Variants in STK4 observed in about 807,000 individuals in gnomAD.
STK4 encodes the protein serine/threonine-protein kinase 4.
In STK4, 30 loss-of-function variants were observed where a neutral mutation model predicts 64.9. That is an observed-to-expected ratio of 0.46 (90% CI 0.35 to 0.63). The LOEUF is 0.63. Ranked by LOEUF, STK4 falls within the 20% of genes least tolerant of loss-of-function variation. The probability of loss-of-function intolerance (pLI) is 0.01; values close to 1 mark genes in which losing one functional copy is unlikely to be tolerated. For synonymous variants in STK4, 177 were observed against 199.0 expected (o/e 0.89, Z 0.93); for missense variants, 466 against 598.5 (o/e 0.78, Z 2.31).
At chr20:45,048,062 A>G (rs1171497900) in intron 10 of STK4, among the ~76,000 whole-genome samples, 1 of 152,190 alleles carries the variant, frequency 6.6e-6, no homozygotes, top group Non-Finnish European at 1.5e-5. Context: ...GATGCTCAGT[A>G]TATATAAGGT....
intron 3 of STK4, among the ~76,000 whole-genome samples, chr20:44,980,748 A>G (rs1197444166): frequency 2.0e-5 from 3 of 152,028 alleles, no homozygotes; most frequent in Non-Finnish European, 2.9e-5. Context: ...GACTCACTGC[A>G]AGCTCCGGCT....
At chr20:45,061,575 T>C (rs141774118) in intron 10 of STK4, among the ~76,000 whole-genome samples, 96 of 150,734 alleles carry the variant, frequency 6.4e-4, no homozygotes, top group Non-Finnish European at 2.7e-4. Context: ...TTTAACCCTT[T>C]TGTTTTATTT....
chr20:45,075,159 C>G lies in STK4; in HGVS notation c.1447C>G (p.Arg483Gly). The G allele has an allele frequency of 6.2e-7, 1 of 1,613,916 alleles. No individual in the cohort carries two copies. Among genetic ancestry groups the G allele is most frequent in the Non-Finnish European group, 8.5e-7 (1 of 1,180,006 alleles). Residue 483 changes from arginine (R) to glycine (G), a missense_variant, in exon 11 of 11, where the codon CGG becomes GGG. By Grantham distance (125) the Arg-to-Gly change is moderately radical. Transcript: ENST00000372806. ...GGATGCCATAGAGGCTAAGAAGAGACGGCAACAAAACTTCTGAGCAAGGCC... is the reference window on the plus strand; with the variant it reads ...GGATGCCATAGAGGCTAAGAAGAGAGGGCAACAAAACTTCTGAGCAAGGCC... ...ILDAIEAKKR[R>G]QQNF
At chr20:45,073,403 T>G (rs950668116) in intron 10 of STK4, among the ~76,000 whole-genome samples, 6 of 152,166 alleles carry the variant, frequency 3.9e-5, no homozygotes, top group Admixed American at 3.9e-4. Context: ...GGAAAATTCC[T>G]GTGGTGACAG....
In STK4 at chr20:45,078,113, G is replaced by A. The variant is rs1980653116; in HGVS notation, c.*2937G>A. On this transcript the variant is annotated 3_prime_UTR_variant, in exon 11 of 11. Coordinates refer to ENST00000372806, the MANE Select transcript of STK4 (RefSeq NM_006282.5). ...AGCATTTGGAACTCGAGCTTCCAGA[G>A]AAATTTGAGGTCCTCGCTTGTTCTC... 6.6e-6 allele frequency: 1 copy of A among 151,872 alleles called. No individual in the cohort carries two copies. The highest frequency in any genetic ancestry group is 6.6e-5 in the Admixed American group (1 of 15,262). The allele number at this position is 151,872 out of a possible 1,614,324, so 9.4% of individuals were successfully genotyped here.
At chr20:45,019,815 G>A (rs1020161582) in intron 9 of STK4, among the ~76,000 whole-genome samples, 1 of 152,164 alleles carries the variant, frequency 6.6e-6, no homozygotes, top group African/African-American at 2.4e-5. Flanking sequence ...CCACAAGCTA[G>A]CTGAAGCCCT....
At chr20:45,035,011 A>T (rs1305172982) in intron 10 of STK4, among the ~76,000 whole-genome samples, 2 of 152,124 alleles carry the variant, frequency 1.3e-5, no homozygotes, top group Non-Finnish European at 2.9e-5. Flanking sequence ...TATAATATAG[A>T]TAAATTTTTA....
intron 5 of STK4, among the ~76,000 whole-genome samples, chr20:44,989,941 G>A (rs1291708132): frequency 6.6e-6 from 1 of 152,102 alleles, no homozygotes; most frequent in Non-Finnish European, 1.5e-5. Flanking sequence ...CTTGATTACT[G>A]TAAGTTTGAA....
chr20:44,995,172 G>T lies in STK4; in HGVS notation c.608G>T (p.Cys203Phe). ...GTGATTCAGGAAATTGGATACAACTGTGTAGCAGACATCTGGTCCCTGGGA... is the reference window on the plus strand; with the variant it reads ...GTGATTCAGGAAATTGGATACAACTTTGTAGCAGACATCTGGTCCCTGGGA... ...PEVIQEIGYN[C>F]VADIWSLGIT... The change falls in exon 6 of 11, where the codon TGT becomes TTT. Residue 203 changes from cysteine to phenylalanine, a missense_variant. Transcript: ENST00000372806. 6.2e-7 allele frequency: 1 copy of T among 1,614,004 alleles called. No homozygotes were observed. The highest frequency in any genetic ancestry group is 8.5e-7 in the Non-Finnish European group (1 of 1,179,954).
chr20:44,970,018 C>T (rs887217151), intron 1 of STK4, among the ~76,000 whole-genome samples: 1 of 151,978 alleles, frequency 6.6e-6, no homozygotes, highest in Admixed American at 6.6e-5. Context: ...TTATCAGGCA[C>T]CAGAGATGTA....
At chr20:45,046,348 TC>T (rs2068694685) in intron 10 of STK4, among the ~76,000 whole-genome samples, 1 of 151,224 alleles carries the variant, frequency 6.6e-6, no homozygotes, top group Admixed American at 6.6e-5. Context: ...GGCAGAAGGA[TC>T]GTTTGAGCCC....
chr20:45,063,343 G>A (rs6073619), intron 10 of STK4, among the ~76,000 whole-genome samples: 18,886 of 151,970 alleles, frequency 0.12, 1,539 homozygotes, highest in East Asian at 0.22. Context: ...AATGATTAAT[G>A]ATGTTGAGCA....
chr20:45,061,950 G>GCT (rs1979065300), intron 10 of STK4, among the ~76,000 whole-genome samples: 1 of 144,500 alleles, frequency 6.9e-6, no homozygotes, highest in Non-Finnish European at 1.5e-5. Flanking sequence ...GGCGATCTCA[G>GCT]CTCACTGCAA....
chr20:45,057,514 A>C (rs1397251790), intron 10 of STK4, among the ~76,000 whole-genome samples: 1 of 152,138 alleles, frequency 6.6e-6, no homozygotes, highest in African/African-American at 2.4e-5. Flanking sequence ...GACAAATAGA[A>C]CTATACCTTC....
At chr20:45,034,390 T>A (rs558779867) in intron 10 of STK4, among the ~76,000 whole-genome samples, 3 of 152,242 alleles carry the variant, frequency 2.0e-5, no homozygotes, top group South Asian at 4.1e-4. Context: ...AAACAGAATA[T>A]GGCAGTGTGA....
intron 10 of STK4, among the ~76,000 whole-genome samples, chr20:45,051,127 A>G (rs1278914926): frequency 6.6e-6 from 1 of 152,216 alleles, no homozygotes; most frequent in Non-Finnish European, 1.5e-5. Context: ...TGTGAACAGA[A>G]CACCGTATTG....
rs542798145 is a variant in STK4, at chr20:45,007,770, A to T, written c.1147+6417A>T. 9.5e-6 allele frequency: 4 copies of T among 420,254 alleles called. No homozygotes were observed. In the East Asian group the frequency reaches 2.9e-4, roughly 30 times the overall value. 26.0% of individuals were successfully genotyped at this position (420,254 alleles called of 1,614,324 possible). ...GTTTATTCATTTATTTATTTAAAAA[A>T]TTTCAACTTTTATTTTACATACAGG... On this transcript the variant is annotated intron_variant, in intron 9 of 10. Coordinates refer to ENST00000372806, the MANE Select transcript of STK4 (RefSeq NM_006282.5).
Position 45,032,615 on chromosome 20 carries a change from T to A in STK4, c.1305+7485T>A, listed in dbSNP as rs370523490. Among the ~76,000 whole-genome samples the A allele has an allele frequency of 5.3e-5, 8 of 152,340 alleles. 1 individual carries two copies. The highest frequency in any genetic ancestry group is 1.9e-4 in the East Asian group (1 of 5,192). ...AAGGATGTGATCTTGCTCGTTTCTG[T>A]GGCTGTGTAGTATACCATGTCAACA... On this transcript the variant is annotated intron_variant, in intron 10 of 10. Transcript: ENST00000372806.
Position 45,077,033 on chromosome 20 carries a change from C to T in STK4, c.*1857C>T, listed in dbSNP as rs1980568417. 1 of 152,180 alleles carries T rather than the reference C, an allele frequency of 6.6e-6. No homozygotes were observed. Among genetic ancestry groups the T allele is most frequent in the African/African-American group, 2.4e-5 (1 of 41,428 alleles). 9.4% of individuals were successfully genotyped at this position (152,180 alleles called of 1,614,324 possible). A position where few individuals can be genotyped will look rare whatever the true frequency, so the allele number is the denominator to read the frequency against. On this transcript the variant is annotated 3_prime_UTR_variant, in exon 11 of 11. Transcript: ENST00000372806. ...TATCAGGCACTGAGCTGGGTAGGCT[C>T]TAAACTTCACAATAACCCTGTGACT... is the stretch of plus-strand genomic sequence containing the variant.
Sources: gnomAD v4.1 joint callset for allele counts (sites outside exome capture counted in the v4.1 genomes callset) on GRCh38, gnomAD v4.1.1 for gene constraint, MANE v1.5 for transcripts, NCBI Gene and HGNC (gene_info 2026-07-23, HGNC 2026-07-21) for gene names.